CPLX2: variants seen among roughly 807,000 people sequenced by gnomAD.
CPLX2 encodes the protein complexin-2.
Under a neutral mutation model 16.3 loss-of-function variants are expected in CPLX2, and 5 were observed. The observed-to-expected ratio is 0.31, with a 90% confidence interval of 0.16 to 0.64. The LOEUF is 0.64. Among genes scored for constraint, CPLX2 ranks in the 30% least tolerant of loss-of-function variants. The probability of loss-of-function intolerance (pLI) is 0.79; values close to 1 mark genes in which losing one functional copy is unlikely to be tolerated. For synonymous variants in CPLX2, 89 were observed against 73.2 expected (o/e 1.22, Z -1.10); for missense variants, 144 against 181.4 (o/e 0.79, Z 1.18).
intron 2 of CPLX2, among the ~76,000 whole-genome samples, chr5:175,810,366 T>C (rs918191779): frequency 6.6e-6 from 1 of 152,168 alleles, no homozygotes; most frequent in Non-Finnish European, 1.5e-5. Context: ...GTTTCCACAT[T>C]CCCAGCAACC....
At chr5:175,827,565 G>C (rs1385811132) in intron 2 of CPLX2, among the ~76,000 whole-genome samples, 2 of 152,156 alleles carry the variant, frequency 1.3e-5, no homozygotes, top group Admixed American at 1.3e-4. Flanking sequence ...GACCAGCCTA[G>C]CCAATATGGC....
rs114766813 is a variant in CPLX2 at position 175,845,547 on chromosome 5, G to A, written c.-88-33105G>A. On this transcript the variant is annotated intron_variant, in intron 2 of 4. Coordinates refer to the CPLX2 transcript ENST00000359546. The surrounding 1 kb of genome is among the most constrained non-coding windows in gnomAD (Gnocchi z 4.0). ...CCCTAGAGTAACTGCCCCCATCTGCGTCACTGTGTGTTATTTTCTTCATAT... is the reference window on the plus strand; with the variant it reads ...CCCTAGAGTAACTGCCCCCATCTGCATCACTGTGTGTTATTTTCTTCATAT... 0.034 allele frequency among the ~76,000 whole-genome samples: 5,170 copies of A among 152,232 alleles called. 102 individuals carry two copies. Among genetic ancestry groups the A allele is most frequent in the Middle Eastern group, 0.065 (19 of 294 alleles).
At chr5:175,873,084 G>A (rs976310406) in intron 1 of CPLX2, 2 of 98,778 alleles carry the variant, frequency 2.0e-5, no homozygotes, top group Non-Finnish European at 4.0e-5. Flanking sequence ...CCCCAGCGCA[G>A]CATCCCCCAC....
At position 175,879,992 on chromosome 5, in the gene CPLX2, G is replaced by A. The variant is rs1336395269; in HGVS notation, c.352G>A (p.Asp118Asn). 1.2e-6 allele frequency: 2 copies of A among 1,613,918 alleles called. No homozygotes were observed. Among genetic ancestry groups the A allele is most frequent in the African/African-American group, 1.3e-5 (1 of 74,922 alleles). The change falls in exon 4 of 4, where the codon GAC becomes AAC. Residue 118 changes from aspartate to asparagine, a missense_variant. Coordinates refer to ENST00000393745, the MANE Select transcript of CPLX2 (RefSeq NM_001008220.2). ...EEEEEEESIL[D>N]TVLKYLPGPL... is the part of the protein sequence containing the mutation. ...GGAGGAGGAAGAGGAGAGCATCCTG[G>A]ACACGGTGCTCAAATACCTGCCCGG...
chr5:175,856,928 C>T (rs1009760812), intron 2 of CPLX2, among the ~76,000 whole-genome samples: 3 of 152,126 alleles, frequency 2.0e-5, no homozygotes, highest in Non-Finnish European at 4.4e-5. Context: ...TCACTGCGGA[C>T]CTTGGTTCTC....
At chr5:175,825,694 C>T (rs114888673) in intron 2 of CPLX2, among the ~76,000 whole-genome samples, 237 of 152,250 alleles carry the variant, frequency 1.6e-3, no homozygotes, top group Non-Finnish European at 2.8e-3. Flanking sequence ...CTGGTCACCA[C>T]CATCTGCTTC....
At chr5:175,866,585 A>T (rs928617748), upstream of CPLX2, among the ~76,000 whole-genome samples, 2 of 134,376 alleles carry the variant, frequency 1.5e-5, no homozygotes, top group Admixed American at 7.2e-5. Context: ...TGAATCTGGG[A>T]GGGTGGGACG....
intron 1 of CPLX2, among the ~76,000 whole-genome samples, chr5:175,808,726 C>T (rs1435450111): frequency 1.3e-5 from 2 of 152,196 alleles, no homozygotes; most frequent in East Asian, 1.9e-4. Context: ...CACCAAAGTA[C>T]GGTCAATGGT....
At chr5:175,800,412 G>A (rs1207752220) in intron 1 of CPLX2, among the ~76,000 whole-genome samples, 2 of 151,836 alleles carry the variant, frequency 1.3e-5, no homozygotes, top group Non-Finnish European at 2.9e-5. Flanking sequence ...TTGAACCCAG[G>A]AGGCGAAGGG....
At chr5:175,812,588 G>A (rs180806074) in intron 2 of CPLX2, among the ~76,000 whole-genome samples, 16 of 152,210 alleles carry the variant, frequency 1.1e-4, no homozygotes, top group East Asian at 1.9e-4. Context: ...AGGTAGAGAC[G>A]CCTAGCCAGA....
intron 2 of CPLX2, among the ~76,000 whole-genome samples, chr5:175,855,929 C>T (rs1416987758): frequency 1.3e-5 from 2 of 152,122 alleles, no homozygotes; most frequent in Non-Finnish European, 2.9e-5. Flanking sequence ...GGACAACCTG[C>T]GTCTACCATA....
At chr5:175,865,174 G>A (rs1486295209) in intron 2 of CPLX2, among the ~76,000 whole-genome samples, 2 of 151,746 alleles carry the variant, frequency 1.3e-5, no homozygotes, top group African/African-American at 2.4e-5. Context: ...TCATTTCCTC[G>A]ACCAGAGGCC....
intron 2 of CPLX2, among the ~76,000 whole-genome samples, chr5:175,814,534 G>A (rs967618718): frequency 9.2e-5 from 14 of 152,222 alleles, no homozygotes; most frequent in African/African-American, 7.2e-5. Context: ...GAGGCAGCCC[G>A]TGTCAGCCTG....
chr5:175,811,499 A>G (rs1758311572), intron 2 of CPLX2, among the ~76,000 whole-genome samples: 2 of 152,190 alleles, frequency 1.3e-5, no homozygotes, highest in Non-Finnish European at 2.9e-5. Flanking sequence ...GATGTCGAAT[A>G]GGCAGAGAGG....
chr5:175,840,879 T>C (rs1758932523), intron 2 of CPLX2, among the ~76,000 whole-genome samples: 1 of 152,110 alleles, frequency 6.6e-6, no homozygotes, highest in Non-Finnish European at 1.5e-5. Context: ...CATGCTCAGC[T>C]CAAAGAGCTT....
chr5:175,877,555 A>G (rs1274433274), intron 1 of CPLX2, among the ~76,000 whole-genome samples: 1 of 152,200 alleles, frequency 6.6e-6, no homozygotes, highest in Non-Finnish European at 1.5e-5. Context: ...CCATGAAGCT[A>G]CTTCACACTT....
At chr5:175,847,386 C>T (rs1322404172) in intron 2 of CPLX2, among the ~76,000 whole-genome samples, 1 of 152,186 alleles carries the variant, frequency 6.6e-6, no homozygotes, top group Non-Finnish European at 1.5e-5. Flanking sequence ...ACACAGGTTG[C>T]ATCTACAACC....
intron 2 of CPLX2, among the ~76,000 whole-genome samples, chr5:175,850,146 T>G (rs987882488): frequency 2.8e-5 from 2 of 70,350 alleles, no homozygotes; most frequent in Non-Finnish European, 7.1e-5. Context: ...AAGTGACAGT[T>G]TTTTTGTTTT....
intron 2 of CPLX2, among the ~76,000 whole-genome samples, chr5:175,844,279 A>G (rs1341454662): frequency 6.6e-6 from 1 of 152,238 alleles, no homozygotes; most frequent in Non-Finnish European, 1.5e-5. Context: ...ATTCCCAGAA[A>G]TGGAGGCACC....
Sources: allele counts gnomAD v4.1 joint callset (sites outside exome capture counted in the v4.1 genomes callset), GRCh38; gene constraint gnomAD v4.1.1; non-coding constraint Gnocchi (gnomAD v3.1); transcripts MANE v1.5; gene names NCBI Gene and HGNC (gene_info 2026-07-23, HGNC 2026-07-21).